The following CEP97 variants were observed in gnomAD, a reference collection of about 807,000 sequenced individuals.
The protein encoded by CEP97 is centrosomal protein of 97 kDa.
A neutral mutation model predicts 73.1 loss-of-function variants in CEP97; 43 were observed. The observed-to-expected ratio is 0.59, with a 90% CI of 0.46 to 0.76. The LOEUF (loss-of-function observed/expected upper bound fraction) is 0.76. Among genes scored for constraint, CEP97 ranks in the 30% least tolerant of loss-of-function variants. CEP97 has a pLI of 0.00. For missense variants in CEP97, 939 were observed against 1,014.0 expected (o/e 0.93, Z 1.00); for synonymous variants, 337 against 370.0 (o/e 0.91, Z 1.02).
intron 1 of CEP97, among the ~76,000 whole-genome samples, chr3:101,725,604 G>T (rs1269675838): frequency 6.6e-6 from 1 of 152,106 alleles, no homozygotes; most frequent in Admixed American, 6.6e-5. Flanking sequence ...TTTCAGAGGG[G>T]CTCACGACTC....
intron 6 of CEP97, among the ~76,000 whole-genome samples, chr3:101,741,515 C>A (rs1415803453): frequency 6.6e-6 from 1 of 152,118 alleles, no homozygotes; most frequent in African/African-American, 2.4e-5. Context: ...TGCAATCTAT[C>A]CATCTGTCAA....
At position 101,757,876 on chromosome 3, in the gene CEP97, C is replaced by T; in HGVS notation, c.1270C>T (p.Gln424Ter). The change falls in exon 9 of 11, where the codon CAG becomes TAG. Residue 424 changes from glutamine (Q) to a stop codon, truncating the protein, a stop_gained. Transcript: ENST00000341893. LOFTEE classifies it high-confidence loss of function. ...PLSPTVELRL[Q>*]GINLGLEDDG... ...ATCACCTACAGTTGAGCTGAGGCTG[C>T]AGGGCATTAACTTGGGCCTAGAAGA... 6.2e-7 allele frequency: 1 copy of T among 1,614,212 alleles called. No homozygotes were observed. Among genetic ancestry groups the T allele is most frequent in the Non-Finnish European group, 8.5e-7 (1 of 1,180,046 alleles).
At chr3:101,728,085 C>T (rs1269886950) in intron 3 of CEP97, among the ~76,000 whole-genome samples, 1 of 152,110 alleles carries the variant, frequency 6.6e-6, no homozygotes, top group African/African-American at 2.4e-5. Context: ...TAGATATAGA[C>T]ATTATGCGTG....
chr3:101,752,002 AT>A (rs1360986932), intron 6 of CEP97, among the ~76,000 whole-genome samples: 2 of 152,100 alleles, frequency 1.3e-5, no homozygotes, highest in African/African-American at 4.8e-5. Context: ...GGTCTTTACA[AT>A]TTGGCATGAT....
rs1262127365 is a variant in CEP97, at chr3:101,730,545, T to TGAGCCAC, written c.448-1294_448-1288dup. Among the ~76,000 whole-genome samples, 20 of 151,488 alleles carry TGAGCCAC rather than the reference T, an allele frequency of 1.3e-4. 1 individual carries two copies. The highest frequency in any genetic ancestry group is 1.1e-3 in the Admixed American group (16 of 15,178). ...TCCCAAAGTGTTGGGATTACAGGCA[T>TGAGCCAC]GAGCCACTGCGCTGGGTCCCAAGTC... On this transcript the variant is annotated intron_variant, in intron 4 of 10. Coordinates refer to ENST00000341893, the MANE Select transcript of CEP97 (RefSeq NM_024548.4).
chr3:101,751,552 C>G (rs527548029), intron 6 of CEP97, among the ~76,000 whole-genome samples: 23 of 152,114 alleles, frequency 1.5e-4, no homozygotes, highest in Non-Finnish European at 2.9e-4. Flanking sequence ...GAGTCTAAGT[C>G]TCTTTGTAGG....
At chr3:101,740,327 A>G (rs1187037330) in intron 6 of CEP97, among the ~76,000 whole-genome samples, 2 of 151,920 alleles carry the variant, frequency 1.3e-5, no homozygotes, top group Non-Finnish European at 2.9e-5. Context: ...CCTATACAAC[A>G]TAATAGAGAG....
intron 5 of CEP97, 55 bp downstream of exon 5, chr3:101,732,008 C>A: frequency 2.0e-6 from 2 of 1,003,344 alleles, no homozygotes; most frequent in Non-Finnish European, 3.2e-6. Context: ...CTAGGAAAGA[C>A]ACAGGAGAGG....
intron 10 of CEP97, 131 bp downstream of exon 10, chr3:101,762,691 G>A (rs1576702363): frequency 1.1e-5 from 6 of 568,608 alleles, no homozygotes; most frequent in Non-Finnish European, 1.5e-5. Flanking sequence ...TGTGTTCTTC[G>A]CCACTAACTG....
At chr3:101,724,825 T>A in intron 1 of CEP97, 106 bp downstream of exon 1, 1 of 1,195,794 alleles carries the variant, frequency 8.4e-7, no homozygotes, top group Non-Finnish European at 1.2e-6. Flanking sequence ...GACCAGTTCT[T>A]TTGATGCGGA....
rs189073081 is a variant in CEP97, at chr3:101,759,858, T to C, written c.1817+1435T>C. Reference sequence around the variant, plus strand: ...AGTTTGAAGGATGAGTGTAGCCAATTCTTGGAAAGAGTTGTTTTGAGGAAA... The same window carrying C: ...AGTTTGAAGGATGAGTGTAGCCAATCCTTGGAAAGAGTTGTTTTGAGGAAA... On this transcript the variant is annotated intron_variant, in intron 9 of 10. Transcript: ENST00000341893. Among the ~76,000 whole-genome samples the C allele has an allele frequency of 2.7e-3, 415 of 152,092 alleles. 1 individual carries two copies. Among genetic ancestry groups the C allele is most frequent in the Admixed American group, 3.3e-3 (51 of 15,272 alleles).
rs1939301763 is a variant in CEP97, at chr3:101,765,716, G to A, written c.*165G>A. The A allele has an allele frequency of 6.7e-6, 4 of 594,854 alleles. No homozygotes were observed. The East Asian group carries it at 1.2e-4, about 17-fold the overall frequency. The allele number at this position is 594,854 out of a possible 1,614,324, so 36.8% of individuals were successfully genotyped here. On this transcript the variant is annotated 3_prime_UTR_variant, in exon 11 of 11. Coordinates refer to ENST00000341893, the MANE Select transcript of CEP97 (RefSeq NM_024548.4). ...TTTCAGATTCTAGATATTGAGCTGA[G>A]TTTTCATTTTGATTTTGTTAGCTTT...
chr3:101,769,560 C>T lies in CEP97; in HGVS notation c.*4009C>T, dbSNP rs1939408746. ...CGAACTCCTGACCTCAAGTGATCCA[C>T]CCACCTCGGCCTCGCAAAGTGCTGA... On this transcript the variant is annotated 3_prime_UTR_variant, in exon 11 of 11. Coordinates refer to ENST00000341893, the MANE Select transcript of CEP97 (RefSeq NM_024548.4). The T allele has an allele frequency of 6.6e-6, 1 of 152,150 alleles. No individual in the cohort carries two copies. The highest frequency in any genetic ancestry group is 2.4e-5 in the African/African-American group (1 of 41,424). 9.4% of individuals were successfully genotyped at this position (152,150 alleles called of 1,614,324 possible).
intron 9 of CEP97, among the ~76,000 whole-genome samples, chr3:101,759,746 C>T (rs1939118289): frequency 2.0e-5 from 3 of 152,062 alleles, no homozygotes; most frequent in Non-Finnish European, 2.9e-5. Context: ...CTCTTTACTG[C>T]ACAGTGACCT....
intron 6 of CEP97, among the ~76,000 whole-genome samples, chr3:101,745,571 C>T (rs966068215): frequency 6.6e-6 from 1 of 150,768 alleles, no homozygotes; most frequent in Non-Finnish European, 1.5e-5. Context: ...TAGCCAATAT[C>T]CTTTTTTTTT....
chr3:101,730,080 A>G (rs1938050333), intron 4 of CEP97, among the ~76,000 whole-genome samples: 1 of 152,100 alleles, frequency 6.6e-6, no homozygotes, highest in Non-Finnish European at 1.5e-5. Flanking sequence ...TGTTGGGATT[A>G]CAAGCGTGAG....
intron 6 of CEP97, among the ~76,000 whole-genome samples, chr3:101,751,919 G>T (rs1468779015): frequency 6.6e-6 from 1 of 152,010 alleles, no homozygotes; most frequent in African/African-American, 2.4e-5. Flanking sequence ...TACATTTAAA[G>T]TTAATATTGT....
rs556959727 is a variant in CEP97, at chr3:101,752,722, C to T, written c.729-2708C>T. ...TCTTCTGCATTCTTCACGTAGTTCT[C>T]GAGCCTTGGCTTTCAGCTCCATCAG... On this transcript the variant is annotated intron_variant, in intron 6 of 10. Transcript: ENST00000341893. 9.2e-3 allele frequency among the ~76,000 whole-genome samples: 1,400 copies of T among 152,264 alleles called. 19 individuals are homozygous for T. Among genetic ancestry groups the T allele is most frequent in the African/African-American group, 0.032 (1,325 of 41,548 alleles).
chr3:101,743,887 C>G (rs552759625), intron 6 of CEP97, among the ~76,000 whole-genome samples: 2 of 151,976 alleles, frequency 1.3e-5, no homozygotes, highest in South Asian at 4.2e-4. Flanking sequence ...GCCTATAATC[C>G]CAGCTACTTG....
Sources: allele counts gnomAD v4.1 joint callset (sites outside exome capture counted in the v4.1 genomes callset), GRCh38; gene constraint gnomAD v4.1.1; transcripts MANE v1.5; gene names NCBI Gene and HGNC (gene_info 2026-07-23, HGNC 2026-07-21).